Variants in WDR25 observed in about 807,000 individuals in gnomAD.
WDR25 encodes the protein WD repeat-containing protein 25.
In WDR25, 35 loss-of-function variants were observed where a neutral mutation model predicts 47.7. The observed-to-expected ratio is 0.73, with a 90% CI of 0.56 to 0.97. The LOEUF (loss-of-function observed/expected upper bound fraction) is 0.97. WDR25 is among the 50% of genes least tolerant of loss of function. WDR25 has a pLI of 0.00. For synonymous variants in WDR25, 248 were observed against 278.9 expected (o/e 0.89, Z 1.10); for missense variants, 634 against 704.7 (o/e 0.90, Z 1.14).
chr14:100,410,326 A>T (rs1183031641), intron 2 of WDR25, among the ~76,000 whole-genome samples: 3 of 152,132 alleles, frequency 2.0e-5, no homozygotes, highest in Non-Finnish European at 4.4e-5. Context: ...GGTGGAGGAT[A>T]CAGAGGACCG....
chr14:100,389,864 G>A lies in WDR25; in HGVS notation c.822+8118G>A, dbSNP rs112435171. Among the ~76,000 whole-genome samples, 1,373 of 152,300 alleles carry A rather than the reference G, an allele frequency of 9.0e-3. 17 individuals are homozygous for A. Among genetic ancestry groups the A allele is most frequent in the African/African-American group, 0.028 (1,144 of 41,550 alleles). ...GGGGAGCTCGGCCCCCCCATAGAAC[G>A]AGGGCCATACAGAGATGAGCGGCAC... On this transcript the variant is annotated intron_variant, in intron 2 of 6. Coordinates refer to ENST00000402312, the MANE Select transcript of WDR25 (RefSeq NM_001161476.3).
At chr14:100,423,164 A>C (rs1178153394) in intron 2 of WDR25, among the ~76,000 whole-genome samples, 1 of 152,226 alleles carries the variant, frequency 6.6e-6, no homozygotes, top group Non-Finnish European at 1.5e-5. Context: ...TGTTATTACA[A>C]TAATAGTAAT....
At chr14:100,394,096 A>C (rs569236450) in intron 2 of WDR25, among the ~76,000 whole-genome samples, 1 of 152,130 alleles carries the variant, frequency 6.6e-6, no homozygotes, top group Admixed American at 6.5e-5. Context: ...ATTATCAAGA[A>C]CTCCAAGCCG....
chr14:100,428,131 CTT>C lies in WDR25; in HGVS notation c.823-39887_823-39886del, dbSNP rs529164615. 1.1e-4 allele frequency among the ~76,000 whole-genome samples: 16 copies of C among 152,372 alleles called. No homozygotes were observed. The highest frequency in any genetic ancestry group is 8.3e-4 in the South Asian group (4 of 4,830). On this transcript the variant is annotated intron_variant, in intron 2 of 6. Coordinates refer to ENST00000402312, the MANE Select transcript of WDR25 (RefSeq NM_001161476.3). The surrounding 1 kb of genome is among the most constrained non-coding windows in gnomAD (Gnocchi z 4.3). Reference sequence around the variant, plus strand: ...CCCCTGGAGCATTCACGCAAGGTCACTTTTCCCATCTGAGGAAACGTTTGTCG... The same window carrying C: ...CCCCTGGAGCATTCACGCAAGGTCACTTCCCATCTGAGGAAACGTTTGTCG...
intron 4 of WDR25, among the ~76,000 whole-genome samples, chr14:100,504,008 T>G (rs1901030647): frequency 6.6e-6 from 1 of 152,254 alleles, no homozygotes; most frequent in Non-Finnish European, 1.5e-5. Context: ...ACCAGCATCC[T>G]GTTTTAACAA....
At chr14:100,401,363 C>T (rs1037105058) in intron 2 of WDR25, among the ~76,000 whole-genome samples, 1 of 152,202 alleles carries the variant, frequency 6.6e-6, no homozygotes, top group Non-Finnish European at 1.5e-5. Flanking sequence ...CTGGTTGATT[C>T]GGGCATCTCA....
chr14:100,457,487 G>A (rs1021489135), intron 2 of WDR25, among the ~76,000 whole-genome samples: 1 of 152,180 alleles, frequency 6.6e-6, no homozygotes, highest in African/African-American at 2.4e-5. Context: ...AAAAAAGAAA[G>A]GCAGATTACT....
chr14:100,444,796 C>T (rs960149429), intron 2 of WDR25, among the ~76,000 whole-genome samples: 4 of 152,224 alleles, frequency 2.6e-5, no homozygotes, highest in Non-Finnish European at 5.9e-5. Context: ...CTGGTGTGTA[C>T]CGACACTGCG....
At chr14:100,411,471 AT>A (rs1250000457) in intron 2 of WDR25, among the ~76,000 whole-genome samples, 1 of 152,056 alleles carries the variant, frequency 6.6e-6, no homozygotes, top group African/African-American at 2.4e-5. Flanking sequence ...GTTCTCAAAC[AT>A]TGGAAGTAGG....
intron 4 of WDR25, among the ~76,000 whole-genome samples, chr14:100,514,540 C>T (rs979319469): frequency 6.6e-6 from 1 of 151,578 alleles, no homozygotes; most frequent in African/African-American, 2.4e-5. Context: ...TGGCATTGTG[C>T]TGTGGGGTTT....
At chr14:100,514,097 G>A (rs916450321) in intron 4 of WDR25, among the ~76,000 whole-genome samples, 6 of 151,576 alleles carry the variant, frequency 4.0e-5, no homozygotes, top group Admixed American at 6.6e-5. Context: ...CACCACGCCC[G>A]GCTAATTTTT....
chr14:100,425,731 G>A lies in WDR25; in HGVS notation c.823-42290G>A, dbSNP rs542618910. Among the ~76,000 whole-genome samples the A allele has an allele frequency of 6.6e-6, 1 of 152,202 alleles. No homozygotes were observed. The highest frequency in any genetic ancestry group is 1.5e-5 in the Non-Finnish European group (1 of 68,028). ...GACAGGTTTTATTTCAAGGGTCTTT[G>A]TTAATCTAATAGTTTTCCCTGGCTG... On this transcript the variant is annotated intron_variant, in intron 2 of 6. Transcript: ENST00000402312. This position sits in a 1 kb window ranked among gnomAD's most constrained non-coding sequence, Gnocchi z 4.8.
At chr14:100,419,729 G>A (rs2140209534) in intron 2 of WDR25, among the ~76,000 whole-genome samples, 1 of 152,304 alleles carries the variant, frequency 6.6e-6, no homozygotes, top group East Asian at 1.9e-4. Context: ...TCACAGGTAG[G>A]AAGGTGGAAC....
intron 4 of WDR25, among the ~76,000 whole-genome samples, chr14:100,521,201 C>CAG (rs751709537): frequency 0.011 from 1,635 of 151,344 alleles, 27 homozygotes; most frequent in African/African-American, 0.037. Context: ...CACACACACA[C>CAG]ACAGAGAGAG....
At chr14:100,505,941 G>A (rs978124825) in intron 4 of WDR25, among the ~76,000 whole-genome samples, 4 of 151,996 alleles carry the variant, frequency 2.6e-5, no homozygotes, top group African/African-American at 9.7e-5. Context: ...TTAGATCCAG[G>A]GGATACACGT....
intron 1 of WDR25, among the ~76,000 whole-genome samples, chr14:100,379,834 T>C (rs2140133363): frequency 6.6e-6 from 1 of 151,922 alleles, no homozygotes; most frequent in Admixed American, 6.5e-5. Flanking sequence ...TTCCGCCTCC[T>C]GGGTTCAAGT....
At chr14:100,398,223 A>T (rs1439267475) in intron 2 of WDR25, among the ~76,000 whole-genome samples, 2 of 152,156 alleles carry the variant, frequency 1.3e-5, no homozygotes. Flanking sequence ...CGCCTGACAG[A>T]GCCTTGCTTC....
rs1274724950 is a variant in WDR25 at position 100,498,708 on chromosome 14, G to A, written c.1101+14584G>A. Among the ~76,000 whole-genome samples, 2 of 152,198 alleles carry A rather than the reference G, an allele frequency of 1.3e-5. No individual in the cohort carries two copies. Among genetic ancestry groups the A allele is most frequent in the African/African-American group, 2.4e-5 (1 of 41,452 alleles). Reference sequence around the variant, plus strand: ...TTCCAGGGCCAACATGTGAGGTTGTGCAGTCTGTACAGTGCAGAGAGGCAC... The same window carrying A: ...TTCCAGGGCCAACATGTGAGGTTGTACAGTCTGTACAGTGCAGAGAGGCAC... On this transcript the variant is annotated intron_variant, in intron 4 of 6. Coordinates refer to ENST00000402312, the MANE Select transcript of WDR25 (RefSeq NM_001161476.3). The surrounding 1 kb of genome is among the most constrained non-coding windows in gnomAD (Gnocchi z 4.2).
At chr14:100,513,514 G>A (rs1342834608) in intron 4 of WDR25, among the ~76,000 whole-genome samples, 1 of 152,200 alleles carries the variant, frequency 6.6e-6, no homozygotes, top group African/African-American at 2.4e-5. Context: ...CTAGCAGCAG[G>A]AATGCACTAA....
Sources: allele counts gnomAD v4.1 joint callset (sites outside exome capture counted in the v4.1 genomes callset), GRCh38; gene constraint gnomAD v4.1.1; non-coding constraint Gnocchi (gnomAD v3.1); transcripts MANE v1.5; gene names NCBI Gene and HGNC (gene_info 2026-07-23, HGNC 2026-07-21).